The following SNTG2 variants were observed in gnomAD, a reference collection of about 807,000 sequenced individuals.
SNTG2 encodes the protein syntrophin gamma 2.
A neutral mutation model predicts 70.9 loss-of-function variants in SNTG2; 74 were observed. The observed-to-expected ratio is 1.04, with a 90% CI of 0.86 to 1.27. The LOEUF (loss-of-function observed/expected upper bound fraction) is 1.27. Among genes scored for constraint, SNTG2 ranks in the 50% most tolerant of loss-of-function variants. The pLI, the probability that SNTG2 is intolerant of heterozygous loss-of-function variation, is 0.00. For synonymous variants in SNTG2, 278 were observed against 273.8 expected (o/e 1.02, Z -0.15); for missense variants, 717 against 690.7 (o/e 1.04, Z -0.43).
At chr2:1,039,468 A>G (rs1477157296) in intron 1 of SNTG2, among the ~76,000 whole-genome samples, 1 of 152,178 alleles carries the variant, frequency 6.6e-6, no homozygotes, top group Admixed American at 6.5e-5. Context: ...TTCCATTTTT[A>G]CAAAAATAGG....
At chr2:1,364,297 A>G (rs1474939246) in intron 16 of SNTG2, among the ~76,000 whole-genome samples, 1 of 151,920 alleles carries the variant, frequency 6.6e-6, no homozygotes, top group Non-Finnish European at 1.5e-5. Flanking sequence ...TAGTACTTTC[A>G]AAGATTATGC....
intron 16 of SNTG2, among the ~76,000 whole-genome samples, chr2:1,360,057 G>A (rs1661055963): frequency 6.6e-6 from 1 of 150,952 alleles, no homozygotes; most frequent in Non-Finnish European, 1.5e-5. Flanking sequence ...TTTCCCATAG[G>A]AAAAAAAAAA....
chr2:1,155,800 C>G (rs973905262), intron 6 of SNTG2, among the ~76,000 whole-genome samples: 2 of 152,164 alleles, frequency 1.3e-5, no homozygotes, highest in African/African-American at 2.4e-5. Context: ...GGCTGAAGAT[C>G]TAACGTGGGA....
At chr2:1,184,267 T>C (rs189233440) in intron 8 of SNTG2, among the ~76,000 whole-genome samples, 1 of 152,318 alleles carries the variant, frequency 6.6e-6, no homozygotes, top group Admixed American at 6.5e-5. Flanking sequence ...CCCCAAGTTA[T>C]CCGTAATTTA....
At chr2:1,232,882 C>G (rs1676353392) in intron 9 of SNTG2, among the ~76,000 whole-genome samples, 1 of 151,472 alleles carries the variant, frequency 6.6e-6, no homozygotes, top group African/African-American at 2.4e-5. Context: ...CACACACATG[C>G]ACACACACAC....
At chr2:1,143,961 A>G (rs5009386) in intron 6 of SNTG2, among the ~76,000 whole-genome samples, 55,737 of 150,478 alleles carry the variant, frequency 0.37, 11,111 homozygotes, top group East Asian at 0.82. Context: ...AAAAACAGAA[A>G]TTTATTGCAA....
intron 1 of SNTG2, among the ~76,000 whole-genome samples, chr2:1,072,672 T>C (rs1663655711): frequency 6.6e-6 from 1 of 152,166 alleles, no homozygotes; most frequent in Non-Finnish European, 1.5e-5. Context: ...CAAGGTGTAG[T>C]GTTGACTTCA....
At chr2:1,318,791 C>T (rs550012701) in intron 16 of SNTG2, among the ~76,000 whole-genome samples, 2 of 148,674 alleles carry the variant, frequency 1.3e-5, no homozygotes, top group African/African-American at 5.0e-5. Context: ...GGAGGAGCAC[C>T]GTAACCTTTT....
At chr2:1,232,482 G>T (rs1343299853) in intron 9 of SNTG2, among the ~76,000 whole-genome samples, 1 of 152,018 alleles carries the variant, frequency 6.6e-6, no homozygotes, top group Non-Finnish European at 1.5e-5. Flanking sequence ...ATTTTTAGTA[G>T]AGACGGGGTT....
chr2:1,116,915 TGTGTGGGTGCCCTGGC>T lies in SNTG2; in HGVS notation c.325+18533_325+18548del, dbSNP rs1243294040. Among the ~76,000 whole-genome samples, 608 of 139,806 alleles carry T rather than the reference TGTGTGGGTGCCCTGGC, an allele frequency of 4.3e-3. 6 individuals carry two copies. Among genetic ancestry groups the T allele is most frequent in the African/African-American group, 0.016 (566 of 34,946 alleles). The allele number at this position is 139,806 out of a possible 152,430, so 91.7% of individuals were successfully genotyped here. On this transcript the variant is annotated intron_variant, in intron 4 of 16. Coordinates refer to ENST00000308624, the MANE Select transcript of SNTG2 (RefSeq NM_018968.4). ...GTGCCCTAGTGTGTGGGTGCTCTGG[TGTGTGGGTGCCCTGGC>T]GTGTGGGTGCCCTGGCGTGTGGGTG...
intron 1 of SNTG2, among the ~76,000 whole-genome samples, chr2:981,052 A>G (rs1399167418): frequency 2.0e-5 from 3 of 152,216 alleles, no homozygotes; most frequent in African/African-American, 7.2e-5. Flanking sequence ...GAATCTTGGC[A>G]GGCTGTGTCC....
intron 4 of SNTG2, among the ~76,000 whole-genome samples, chr2:1,116,803 T>TGTG: frequency 7.1e-6 from 1 of 141,160 alleles, no homozygotes; most frequent in Admixed American, 7.0e-5. Flanking sequence ...GGTGCCCTGG[T>TGTG]TTACGGGTTT....
At chr2:985,405 A>T (rs965626741) in intron 1 of SNTG2, among the ~76,000 whole-genome samples, 2 of 151,736 alleles carry the variant, frequency 1.3e-5, no homozygotes, top group African/African-American at 2.4e-5. Context: ...GAGCTCAGGG[A>T]TGTGTCTTTT....
At chr2:1,033,837 C>T (rs1334556593) in intron 1 of SNTG2, among the ~76,000 whole-genome samples, 1 of 152,194 alleles carries the variant, frequency 6.6e-6, no homozygotes, top group African/African-American at 2.4e-5. Flanking sequence ...CCAGCCTGTG[C>T]TCCCTGCAAT....
chr2:1,177,098 G>T (rs1288876855), intron 8 of SNTG2, among the ~76,000 whole-genome samples: 1 of 152,144 alleles, frequency 6.6e-6, no homozygotes, highest in East Asian at 1.9e-4. Flanking sequence ...ATCAATGATA[G>T]ACTTGATAAA....
chr2:1,242,128 C>T (rs1466563241), intron 11 of SNTG2, among the ~76,000 whole-genome samples: 4 of 152,208 alleles, frequency 2.6e-5, no homozygotes, highest in South Asian at 2.1e-4. Context: ...CTGCTATATC[C>T]GGATGCGCTT....
intron 1 of SNTG2, among the ~76,000 whole-genome samples, chr2:1,070,861 T>C (rs1663484909): frequency 6.6e-6 from 1 of 152,240 alleles, no homozygotes; most frequent in African/African-American, 2.4e-5. Flanking sequence ...CTGTATTTAC[T>C]GTGGTATTTT....
intron 15 of SNTG2, among the ~76,000 whole-genome samples, chr2:1,315,698 G>A (rs1681242987): frequency 6.6e-6 from 1 of 152,046 alleles, no homozygotes. Context: ...GTATTAAAAG[G>A]CGATATTTTT....
At chr2:967,690 C>T (rs904237885) in intron 1 of SNTG2, among the ~76,000 whole-genome samples, 1 of 152,092 alleles carries the variant, frequency 6.6e-6, no homozygotes, top group Non-Finnish European at 1.5e-5. Flanking sequence ...CCTGTTTTGG[C>T]GTCAGGGCAT....
Sources: allele counts gnomAD v4.1 joint callset (sites outside exome capture counted in the v4.1 genomes callset), GRCh38; gene constraint gnomAD v4.1.1; transcripts MANE v1.5; gene names NCBI Gene and HGNC (gene_info 2026-07-23, HGNC 2026-07-21).